Variants in PVALEF observed in about 807,000 individuals in gnomAD.
PVALEF encodes parvalbumin-like EF-hand-containing protein.
In PVALEF, 2 loss-of-function variants were observed where a neutral mutation model predicts 1.2. That is an observed-to-expected ratio of 1.68 (90% CI 0.69 to 5.28). The LOEUF (loss-of-function observed/expected upper bound fraction) is 5.28. PVALEF is among the 30% of genes most tolerant of loss of function. The probability of loss-of-function intolerance (pLI) is 0.06; values close to 1 mark genes in which losing one functional copy is unlikely to be tolerated. For synonymous variants in PVALEF, 16 were observed against 6.5 expected (o/e 2.47, Z -2.24); for missense variants, 35 against 17.7 (o/e 1.97, Z -1.75).
chr17:81,170,422 AC>A (rs764118249), intron 2 of PVALEF, among the ~76,000 whole-genome samples: 106 of 151,552 alleles, frequency 7.0e-4, no homozygotes, highest in Admixed American at 1.2e-3. Context: ...TTGCATTAGG[AC>A]CCCCTGCTCC....
At chr17:81,167,219 G>T (rs1297290688) in intron 2 of PVALEF, among the ~76,000 whole-genome samples, 1 of 152,204 alleles carries the variant, frequency 6.6e-6, no homozygotes, top group Non-Finnish European at 1.5e-5. Context: ...CTTGAGCCTG[G>T]GAGTTAGAGG....
In PVALEF at chr17:81,169,765, CATGT is replaced by C. The variant is rs964307135; in HGVS notation, c.-340+2922_-340+2925del. 1.0e-3 allele frequency among the ~76,000 whole-genome samples: 152 copies of C among 151,914 alleles called. 1 individual carries two copies. Among genetic ancestry groups the C allele is most frequent in the Admixed American group, 5.5e-3 (84 of 15,266 alleles). On this transcript the variant is annotated intron_variant, in intron 2 of 6. Transcript: ENST00000637878. The stretch of plus-strand genomic sequence containing the variant: ...GTGTACGTGTCTATGTGTGTGTATG[CATGT>C]GTGTCTGTGCATATGTGTAGATGTG...
intron 3 of PVALEF, among the ~76,000 whole-genome samples, chr17:81,180,203 C>T (rs1054131104): frequency 1.2e-4 from 18 of 152,192 alleles, no homozygotes; most frequent in Admixed American, 2.0e-4. Flanking sequence ...CCCAGGGGCA[C>T]CCCCAGCACT....
chr17:81,171,876 C>A lies in PVALEF; in HGVS notation c.-340+5032C>A, dbSNP rs561313256. Among the ~76,000 whole-genome samples, 13 of 152,292 alleles carry A rather than the reference C, an allele frequency of 8.5e-5. No homozygotes were observed. The South Asian group carries it at 2.7e-3, about 32-fold the overall frequency. Reference sequence around the variant, plus strand: ...AACAATTCAGTAGCATTTGTATTCACAACATTGCGCCCCCATCTGGGTCCA... The same window carrying A: ...AACAATTCAGTAGCATTTGTATTCAAAACATTGCGCCCCCATCTGGGTCCA... On this transcript the variant is annotated intron_variant, in intron 2 of 6. Coordinates refer to ENST00000637878, the MANE Select transcript of PVALEF (RefSeq NM_001354639.2).
At chr17:81,181,838 G>GGAGGCCCA in intron 5 of PVALEF, 128 bp from the exon 6 acceptor site, 1 of 398,006 alleles carries the variant, frequency 2.5e-6, no homozygotes, top group East Asian at 3.6e-5. Context: ...TAGAAGCCCA[G>GGAGGCCCA]GAGGCTCAGA....
intron 5 of PVALEF, 70 bp downstream of exon 5, chr17:81,181,764 A>C: frequency 2.5e-6 from 1 of 398,602 alleles, no homozygotes; most frequent in Admixed American, 4.4e-5. Context: ...CACATGGCGG[A>C]CCCGGCCTTC....
Position 81,181,177 on chromosome 17 carries a change from A to C in PVALEF, c.-50A>C, listed in dbSNP as rs751492932. 1.4e-6 allele frequency: 1 copy of C among 699,990 alleles called. No individual in the cohort carries two copies. The highest frequency in any genetic ancestry group is 1.5e-5 in the South Asian group (1 of 66,364). The allele number at this position is 699,990 out of a possible 1,614,324, so 43.4% of individuals were successfully genotyped here. ...CTGCTCTGGCCCAAGCAGCACCCCC[A>C]ATCCGTGCGTGCACCCCACGAATTG... On this transcript the variant is annotated 5_prime_UTR_variant, in exon 4 of 7. Coordinates refer to ENST00000637878, the MANE Select transcript of PVALEF (RefSeq NM_001354639.2).
At chr17:81,171,957 G>T (rs539684585) in intron 2 of PVALEF, among the ~76,000 whole-genome samples, 3 of 152,118 alleles carry the variant, frequency 2.0e-5, no homozygotes, top group African/African-American at 4.8e-5. Flanking sequence ...GCACCTGCCC[G>T]TTCCCTTCTC....
At chr17:81,176,555 A>G (rs2456581) in intron 2 of PVALEF, among the ~76,000 whole-genome samples, 3 of 150,958 alleles carry the variant, frequency 2.0e-5, no homozygotes, top group Non-Finnish European at 1.5e-5. Flanking sequence ...ATGAGATGCC[A>G]CCTCACACCC....
chr17:81,171,977 C>T (rs1488899304), intron 2 of PVALEF, among the ~76,000 whole-genome samples: 1 of 152,214 alleles, frequency 6.6e-6, no homozygotes, highest in Non-Finnish European at 1.5e-5. Flanking sequence ...CCTGAGCCCC[C>T]ACCACTCTGT....
chr17:81,182,014 A>G lies in PVALEF; in HGVS notation c.291A>G (p.Thr97=). ...GCAGCGGGCCCACCACCCCGCTGAC[A>G]GACGAGGAGGCCGAGGCCATGATCC... ...IPSSGPTTPL[T]DEEAEAMIQA... The change falls in exon 6 of 7, where the codon ACA becomes ACG. Residue 97 remains threonine, a synonymous_variant. Transcript: ENST00000637878. The G allele has an allele frequency of 2.5e-6, 1 of 398,816 alleles. No homozygotes were observed. Among genetic ancestry groups the G allele is most frequent in the Non-Finnish European group, 4.4e-6 (1 of 226,204 alleles). 24.7% of individuals were successfully genotyped at this position (398,816 alleles called of 1,614,324 possible).
chr17:81,169,251 C>T (rs1381571679), intron 2 of PVALEF, among the ~76,000 whole-genome samples: 1 of 152,170 alleles, frequency 6.6e-6, no homozygotes, highest in Non-Finnish European at 1.5e-5. Context: ...CTAAGCTGTA[C>T]CCTTTAAAGT....
intron 2 of PVALEF, among the ~76,000 whole-genome samples, chr17:81,176,926 CTTTTTTTTT>C (rs34506557): frequency 7.6e-6 from 1 of 130,928 alleles, no homozygotes; most frequent in Admixed American, 7.9e-5. Context: ...GTATTAGTCA[CTTTTTTTTT>C]TTTTTTTTTG....
At chr17:81,173,577 T>G (rs2061527465) in intron 2 of PVALEF, among the ~76,000 whole-genome samples, 1 of 152,140 alleles carries the variant, frequency 6.6e-6, no homozygotes, top group African/African-American at 2.4e-5. Context: ...TTGGACACAT[T>G]CCAAGAAACA....
chr17:81,181,182 G>A lies in PVALEF; in HGVS notation c.-45G>A, dbSNP rs371755779. Reference sequence around the variant, plus strand: ...CTGGCCCAAGCAGCACCCCCAATCCGTGCGTGCACCCCACGAATTGACTCC... The same window carrying A: ...CTGGCCCAAGCAGCACCCCCAATCCATGCGTGCACCCCACGAATTGACTCC... On this transcript the variant is annotated 5_prime_UTR_variant, in exon 4 of 7. In the 5' UTR this introduces an upstream ATG that the reference lacks. Transcript: ENST00000637878. 60 of 702,340 alleles carry A rather than the reference G, an allele frequency of 8.5e-5. No homozygotes were observed. Among genetic ancestry groups the A allele is most frequent in the Non-Finnish European group, 1.2e-4 (48 of 384,480 alleles). The allele number at this position is 702,340 out of a possible 1,614,324, so 43.5% of individuals were successfully genotyped here.
At chr17:81,172,675 G>A (rs1386730554) in intron 2 of PVALEF, among the ~76,000 whole-genome samples, 2 of 152,100 alleles carry the variant, frequency 1.3e-5, no homozygotes, top group Admixed American at 1.3e-4. Flanking sequence ...CAGGAGAATC[G>A]CTTGAACCCA....
At chr17:81,165,978 G>T (rs1355041181) in intron 1 of PVALEF, 8 of 1,584,788 alleles carry the variant, frequency 5.0e-6, no homozygotes, top group Non-Finnish European at 6.9e-6. Flanking sequence ...TGGGGTTGAA[G>T]AAGGACGACG....
chr17:81,170,067 T>C (rs1002281534), intron 2 of PVALEF, among the ~76,000 whole-genome samples: 2 of 149,714 alleles, frequency 1.3e-5, no homozygotes, highest in Non-Finnish European at 3.0e-5. Context: ...TGTTGGTGTG[T>C]ATGTGTGTGC....
intron 2 of PVALEF, among the ~76,000 whole-genome samples, chr17:81,172,485 A>T (rs1018715462): frequency 6.6e-6 from 1 of 152,180 alleles, no homozygotes; most frequent in Non-Finnish European, 1.5e-5. Context: ...GCCAGTCAAG[A>T]AGGTTGCTGG....
Sources: gnomAD v4.1 joint callset for allele counts (sites outside exome capture counted in the v4.1 genomes callset) on GRCh38, gnomAD v4.1.1 for gene constraint, MANE v1.5 for transcripts, NCBI Gene and HGNC (gene_info 2026-07-23, HGNC 2026-07-21) for gene names.